Variants in DRC11 observed in about 807,000 individuals in gnomAD.
DRC11 encodes IQ and AAA domain-containing protein 1.
At chr2:236,489,979 C>T in the DRC11 span, among the ~76,000 whole-genome samples, 6 of 152,072 alleles carry the variant, frequency 3.9e-5, no homozygotes, top group East Asian at 1.2e-3. Flanking sequence ...ATAGGTGAAG[C>T]CTGTTTCCAG....
chr2:236,428,120 C>T, the DRC11 span, among the ~76,000 whole-genome samples: 1 of 152,016 alleles, frequency 6.6e-6, no homozygotes, highest in African/African-American at 2.4e-5. Context: ...TTTGATCTTC[C>T]TAAATTTGTT....
At chr2:236,414,237 C>T in the DRC11 span, among the ~76,000 whole-genome samples, 1 of 152,004 alleles carries the variant, frequency 6.6e-6, no homozygotes, top group Non-Finnish European at 1.5e-5. Flanking sequence ...TTGATGAGGC[C>T]CAATTTATAC....
chr2:236,377,819 C>T, the DRC11 span, among the ~76,000 whole-genome samples: 1 of 152,132 alleles, frequency 6.6e-6, no homozygotes, highest in African/African-American at 2.4e-5. The surrounding 1 kb of genome is among the most constrained non-coding windows in gnomAD (Gnocchi z 4.9). Context: ...GTAATTTATA[C>T]TAATTGAGAA....
At chr2:236,472,112 T>C in the DRC11 span, among the ~76,000 whole-genome samples, 1 of 152,162 alleles carries the variant, frequency 6.6e-6, no homozygotes, top group Non-Finnish European at 1.5e-5. The surrounding 1 kb of genome is among the most constrained non-coding windows in gnomAD (Gnocchi z 4.6). Context: ...TGACTTTTCC[T>C]TTTTTTCCCC....
chr2:236,366,055 T>C, the DRC11 span, among the ~76,000 whole-genome samples: 5 of 152,146 alleles, frequency 3.3e-5, no homozygotes, highest in Non-Finnish European at 7.4e-5. Flanking sequence ...CTGGACCACG[T>C]CCACCTGGAG....
the DRC11 span, among the ~76,000 whole-genome samples, chr2:236,441,967 G>A: frequency 6.6e-6 from 1 of 152,112 alleles, no homozygotes; most frequent in South Asian, 2.1e-4. Context: ...TGGGCGCAGT[G>A]TTTCACGCCT....
At chr2:236,441,890 C>T in the DRC11 span, among the ~76,000 whole-genome samples, 1 of 152,096 alleles carries the variant, frequency 6.6e-6, no homozygotes, top group African/African-American at 2.4e-5. Context: ...TTTTGAGGAT[C>T]CCAAAGAGTT....
chr2:236,401,643 T>C, the DRC11 span, among the ~76,000 whole-genome samples: 1 of 152,036 alleles, frequency 6.6e-6, no homozygotes, highest in African/African-American at 2.4e-5. The surrounding 1 kb of genome is among the most constrained non-coding windows in gnomAD (Gnocchi z 4.6). Context: ...CGTGAAGACC[T>C]AGGCTGAGAG....
chr2:236,355,093 C>T, the DRC11 span, among the ~76,000 whole-genome samples: 687 of 152,352 alleles, frequency 4.5e-3, 5 homozygotes, highest in African/African-American at 0.015. Flanking sequence ...GGGCCCCTCC[C>T]GGGTGTCTGG....
At chr2:236,437,660 T>C in the DRC11 span, among the ~76,000 whole-genome samples, 1 of 151,152 alleles carries the variant, frequency 6.6e-6, no homozygotes, top group Non-Finnish European at 1.5e-5. Context: ...GGTATCTCAT[T>C]GTGGTTTTGA....
the DRC11 span, among the ~76,000 whole-genome samples, chr2:236,410,492 T>G: frequency 6.6e-6 from 1 of 150,816 alleles, no homozygotes; most frequent in Non-Finnish European, 1.5e-5. Flanking sequence ...ACAGATTCAA[T>G]GCCATCCCCA....
chr2:236,344,034 T>G, the DRC11 span, among the ~76,000 whole-genome samples: 1 of 151,534 alleles, frequency 6.6e-6, no homozygotes. Context: ...TTTTTTTAAC[T>G]TGTGGGAAAT....
chr2:236,494,422 C>G, the DRC11 span, among the ~76,000 whole-genome samples: 1 of 152,102 alleles, frequency 6.6e-6, no homozygotes, highest in Admixed American at 6.5e-5. The surrounding 1 kb of genome is among the most constrained non-coding windows in gnomAD (Gnocchi z 4.2). Context: ...ATATAATAAA[C>G]TTCTATCCTT....
chr2:236,329,684 A>T, the DRC11 span, among the ~76,000 whole-genome samples: 1 of 152,240 alleles, frequency 6.6e-6, no homozygotes, highest in Non-Finnish European at 1.5e-5. Context: ...ATGTGTCCCT[A>T]AACAAATTTA....
chr2:236,502,459 C>T, the DRC11 span, among the ~76,000 whole-genome samples: 77 of 145,476 alleles, frequency 5.3e-4, 1 homozygote, highest in African/African-American at 2.0e-3. Flanking sequence ...CGCCTGTAAT[C>T]CCAGCTATTT....
the DRC11 span, among the ~76,000 whole-genome samples, chr2:236,470,488 T>C: frequency 6.6e-6 from 1 of 152,158 alleles, no homozygotes; most frequent in African/African-American, 2.4e-5. This position sits in a 1 kb window ranked among gnomAD's most constrained non-coding sequence, Gnocchi z 5.1. Context: ...GTCAGATCAT[T>C]GGGCTCGCCA....
chr2:236,365,240 GC>G, the DRC11 span, among the ~76,000 whole-genome samples: 3 of 152,016 alleles, frequency 2.0e-5, no homozygotes, highest in Non-Finnish European at 4.4e-5. This position sits in a 1 kb window ranked among gnomAD's most constrained non-coding sequence, Gnocchi z 7.4. Flanking sequence ...AACCTGAGTT[GC>G]CATAATGAGA....
At chr2:236,357,855 T>TA in the DRC11 span, among the ~76,000 whole-genome samples, 1 of 125,018 alleles carries the variant, frequency 8.0e-6, no homozygotes, top group Non-Finnish European at 1.6e-5. Flanking sequence ...AATATATAAA[T>TA]ATATACTATA....
At chr2:236,443,909 G>A in the DRC11 span, among the ~76,000 whole-genome samples, 1 of 151,174 alleles carries the variant, frequency 6.6e-6, no homozygotes, top group Non-Finnish European at 1.5e-5. The surrounding 1 kb of genome is among the most constrained non-coding windows in gnomAD (Gnocchi z 4.4). Context: ...GGTATCTCGT[G>A]ATTTTGATTT....
Sources: gnomAD v4.1 joint callset for allele counts (sites outside exome capture counted in the v4.1 genomes callset) on GRCh38, gnomAD v4.1.1 for gene constraint, Gnocchi (gnomAD v3.1) non-coding constraint, MANE v1.5 for transcripts, NCBI Gene and HGNC (gene_info 2026-07-23, HGNC 2026-07-21) for gene names.